TMEM108: variants seen among roughly 807,000 people sequenced by gnomAD.
The protein encoded by TMEM108 is transmembrane protein 108.
Under a neutral mutation model 35.1 loss-of-function variants are expected in TMEM108, and 12 were observed. That is an observed-to-expected ratio of 0.34 (90% CI 0.22 to 0.55). The LOEUF is 0.55. Ranked by LOEUF, TMEM108 falls within the 20% of genes least tolerant of loss-of-function variation. The pLI is 0.89. For missense variants in TMEM108, 680 were observed against 753.3 expected, an observed-to-expected ratio of 0.90 and a Z score of 1.14; for synonymous variants, 287 against 308.6, an observed-to-expected ratio of 0.93 and a Z score of 0.73.
At chr3:133,178,898 G>A (rs1055544979) in intron 2 of TMEM108, among the ~76,000 whole-genome samples, 72 of 152,072 alleles carry the variant, frequency 4.7e-4, no homozygotes, top group Non-Finnish European at 4.7e-4. Context: ...GAAAATTTTT[G>A]CAATCTACTC....
intron 3 of TMEM108, among the ~76,000 whole-genome samples, chr3:133,233,656 A>G (rs1576400119): frequency 6.7e-6 from 1 of 149,818 alleles, no homozygotes; most frequent in Non-Finnish European, 1.5e-5. Flanking sequence ...AGTCCCACCA[A>G]CAGTGTAAAA....
intron 3 of TMEM108, among the ~76,000 whole-genome samples, chr3:133,315,054 A>G (rs1172253988): frequency 6.6e-6 from 1 of 152,222 alleles, no homozygotes; most frequent in African/African-American, 2.4e-5. Context: ...ATATGGAGAC[A>G]ATAGTGGATC....
chr3:133,262,739 G>A (rs1437445600), intron 3 of TMEM108, among the ~76,000 whole-genome samples: 1 of 152,240 alleles, frequency 6.6e-6, no homozygotes, highest in African/African-American at 2.4e-5. Flanking sequence ...CCACTAGGCG[G>A]GGGATGCACA....
At chr3:133,295,058 A>G (rs1795090) in intron 3 of TMEM108, among the ~76,000 whole-genome samples, 2 of 152,322 alleles carry the variant, frequency 1.3e-5, no homozygotes, top group African/African-American at 4.8e-5. Flanking sequence ...TACTTTTGTA[A>G]CAACAAATTA....
At chr3:133,296,085 G>A (rs1228198699) in intron 3 of TMEM108, among the ~76,000 whole-genome samples, 2 of 152,160 alleles carry the variant, frequency 1.3e-5, no homozygotes, top group Admixed American at 6.5e-5. Flanking sequence ...TTTCTAGCAT[G>A]TCTAATGTCT....
chr3:133,199,546 G>A (rs999031590), intron 2 of TMEM108, among the ~76,000 whole-genome samples: 19 of 152,178 alleles, frequency 1.2e-4, no homozygotes, highest in African/African-American at 4.6e-4. Context: ...GTTTGCTGGA[G>A]GTCCACTCCA....
In TMEM108 at chr3:133,346,840, A is replaced by C. The variant is rs951030983; in HGVS notation, c.41-32912A>C. ...TGTGAAAGATGTTAGCTCTTTGTCT[A>C]GATTCATGTTTTGCATGTGGATGTC... On this transcript the variant is annotated intron_variant, in intron 3 of 5. Transcript: ENST00000321871. This position sits in a 1 kb window ranked among gnomAD's most constrained non-coding sequence, Gnocchi z 4.0. Among the ~76,000 whole-genome samples, 4 of 152,114 alleles carry C rather than the reference A, an allele frequency of 2.6e-5. No individual in the cohort carries two copies. The highest frequency in any genetic ancestry group is 5.9e-5 in the Non-Finnish European group (4 of 67,968).
At chr3:133,267,983 A>T (rs1380181212) in intron 3 of TMEM108, among the ~76,000 whole-genome samples, 1 of 152,222 alleles carries the variant, frequency 6.6e-6, no homozygotes, top group Non-Finnish European at 1.5e-5. Flanking sequence ...CAAAGGCACG[A>T]AACAGGGATC....
intron 3 of TMEM108, among the ~76,000 whole-genome samples, chr3:133,344,289 A>G (rs1312195713): frequency 2.6e-5 from 4 of 151,878 alleles, no homozygotes; most frequent in Non-Finnish European, 5.9e-5. Context: ...CTAAATAAAT[A>G]TTAGATATTA....
chr3:133,302,161 A>G (rs1947234254), intron 3 of TMEM108, among the ~76,000 whole-genome samples: 1 of 152,152 alleles, frequency 6.6e-6, no homozygotes, highest in African/African-American at 2.4e-5. Flanking sequence ...TGATCTTGCC[A>G]TTTTTGTTGT....
chr3:133,140,522 C>A (rs1377368626), intron 2 of TMEM108, among the ~76,000 whole-genome samples: 1 of 152,176 alleles, frequency 6.6e-6, no homozygotes, highest in Non-Finnish European at 1.5e-5. Context: ...AGAAGATATT[C>A]TGCTGGATAA....
chr3:133,247,753 A>G (rs1041077779), intron 3 of TMEM108: 3 of 152,210 alleles, frequency 2.0e-5, no homozygotes, highest in African/African-American at 7.2e-5. Context: ...TAAAGAATCT[A>G]CTATGTGCTA....
intron 2 of TMEM108, among the ~76,000 whole-genome samples, chr3:133,109,041 T>C (rs187687542): frequency 6.6e-6 from 1 of 152,234 alleles, no homozygotes; most frequent in East Asian, 1.9e-4. Flanking sequence ...GTGGGTACAC[T>C]TGGCCTTGCA....
chr3:133,307,356 G>A (rs1171783419), intron 3 of TMEM108, among the ~76,000 whole-genome samples: 1 of 152,100 alleles, frequency 6.6e-6, no homozygotes, highest in African/African-American at 2.4e-5. Flanking sequence ...TCTTTGCCGT[G>A]CAGAAGCTCT....
intron 4 of TMEM108, chr3:133,387,341 G>C: frequency 1.0e-6 from 1 of 985,478 alleles, no homozygotes; most frequent in Non-Finnish European, 1.2e-6. Context: ...TCTGTAGCCA[G>C]GCTGGCTTTC....
chr3:133,119,365 C>T (rs1441380032), intron 2 of TMEM108: 1 of 152,158 alleles, frequency 6.6e-6, no homozygotes, highest in Non-Finnish European at 1.5e-5. Flanking sequence ...CTCATGAGAA[C>T]TTGGATGGTG....
chr3:133,084,859 C>T (rs1943861286), intron 2 of TMEM108, among the ~76,000 whole-genome samples: 1 of 152,128 alleles, frequency 6.6e-6, no homozygotes, highest in Admixed American at 6.6e-5. Flanking sequence ...AAGACCAGCT[C>T]TTTTATTAAG....
At chr3:133,097,427 C>G (rs1465163246) in intron 2 of TMEM108, among the ~76,000 whole-genome samples, 2 of 152,170 alleles carry the variant, frequency 1.3e-5, no homozygotes, top group African/African-American at 4.8e-5. Context: ...TAAGTACTGG[C>G]ACAAAGGAGT....
intron 3 of TMEM108, among the ~76,000 whole-genome samples, chr3:133,280,571 GC>G (rs1946898917): frequency 6.6e-6 from 1 of 152,124 alleles, no homozygotes; most frequent in Non-Finnish European, 1.5e-5. Context: ...GCTCTGTGAG[GC>G]CCGATTTAAT....
Sources: allele counts gnomAD v4.1 joint callset (sites outside exome capture counted in the v4.1 genomes callset), GRCh38; gene constraint gnomAD v4.1.1; non-coding constraint Gnocchi (gnomAD v3.1); transcripts MANE v1.5; gene names NCBI Gene and HGNC (gene_info 2026-07-23, HGNC 2026-07-21).